GPN1: variants seen among roughly 807,000 people sequenced by gnomAD.
GPN1 encodes GPN-loop GTPase 1, also known as ATP(GTP)-binding protein.
Under a neutral mutation model 55.9 loss-of-function variants are expected in GPN1, and 44 were observed. The ratio of observed to expected loss-of-function variants is 0.79; its 90% CI spans 0.62 to 1.01. GPN1 has a LOEUF of 1.01. Ranked by LOEUF, GPN1 falls within the 50% of genes least tolerant of loss-of-function variation. GPN1 has a pLI of 0.00. For synonymous variants in GPN1, 179 were observed against 162.5 expected (o/e 1.10, Z -0.77); for missense variants, 466 against 462.8 (o/e 1.01, Z -0.06).
intron 9 of GPN1, among the ~76,000 whole-genome samples, chr2:27,639,343 T>G (rs1296326147): frequency 6.6e-6 from 1 of 152,176 alleles, no homozygotes; most frequent in Non-Finnish European, 1.5e-5. Context: ...TGACAGATTT[T>G]GGAGGATGTA....
chr2:27,629,543 T>C (rs1673447307), intron 1 of GPN1: 1 of 784,158 alleles, frequency 1.3e-6, no homozygotes, highest in Non-Finnish European at 2.2e-6. Context: ...TTCCATTCAC[T>C]GGGGATATAG....
At chr2:27,646,788 A>G (rs1674254215) in intron 12 of GPN1, among the ~76,000 whole-genome samples, 1 of 151,918 alleles carries the variant, frequency 6.6e-6, no homozygotes, top group Non-Finnish European at 1.5e-5. Flanking sequence ...GCTTCTGTTC[A>G]TGAAAGTTAT....
In GPN1 at chr2:27,651,124, T is replaced by C. The variant is rs954228268; in HGVS notation, c.*924T>C. ...AGGCACATTTCATACATAACAGCCCTTATAAACGTTTGCCCTGCCTCCACA... is the reference window on the plus strand; with the variant it reads ...AGGCACATTTCATACATAACAGCCCCTATAAACGTTTGCCCTGCCTCCACA... On this transcript the variant is annotated 3_prime_UTR_variant, in exon 14 of 14. Coordinates refer to ENST00000610189, the MANE Select transcript of GPN1 (RefSeq NM_007266.4). 6.6e-6 allele frequency: 1 copy of C among 152,384 alleles called. No homozygotes were observed. Among genetic ancestry groups the C allele is most frequent in the Non-Finnish European group, 1.5e-5 (1 of 68,046 alleles). The allele number at this position is 152,384 out of a possible 1,614,324, so 9.4% of individuals were successfully genotyped here.
Position 27,630,239 on chromosome 2 carries a change from A to T in GPN1, c.205+287A>T, listed in dbSNP as rs529695030. Among the ~76,000 whole-genome samples the T allele has an allele frequency of 2.0e-5, 3 of 152,212 alleles. No individual in the cohort carries two copies. In the South Asian group the frequency reaches 6.2e-4, roughly 32 times the overall value. The stretch of plus-strand genomic sequence containing the variant: ...GTGGCAGAGGTTGCAGTGAGCCAAG[A>T]TCGTGCCACTGCACTCCAGCCTGGT... On this transcript the variant is annotated intron_variant, in intron 2 of 13. Coordinates refer to ENST00000610189, the MANE Select transcript of GPN1 (RefSeq NM_007266.4).
Position 27,647,886 on chromosome 2 carries a change from A to T in GPN1, c.982A>T (p.Thr328Ser). Residue 328 changes from threonine to serine, a missense_variant, in exon 13 of 14, where the codon ACC (threonine) becomes TCC (serine). Thr to Ser is a moderately conservative substitution (Grantham distance 58). Transcript: ENST00000610189. Reference protein sequence around the residue: ...HPSDLILTRGTLDEEDEEADS... With the variant: ...HPSDLILTRGSLDEEDEEADS... ...TTCTGATTTGATCCTGACTCGAGGAACCTTGGATGAAGAGGATGAGGAAGC... is the reference window on the plus strand; with the variant it reads ...TTCTGATTTGATCCTGACTCGAGGATCCTTGGATGAAGAGGATGAGGAAGC... The T allele has an allele frequency of 1.2e-6, 2 of 1,613,880 alleles. No individual in the cohort carries two copies. The highest frequency in any genetic ancestry group is 1.7e-6 in the Non-Finnish European group (2 of 1,179,794).
chr2:27,640,111 C>T lies in GPN1; in HGVS notation c.786C>T (p.Ala262=), dbSNP rs775613496. The change falls in exon 10 of 14, where the codon GCC becomes GCT. Residue 262 remains alanine, a synonymous_variant. Transcript: ENST00000610189. ...DELFVQVTSA[A]EEYEREYRPE... ...TCTTTGTGCAAGTTACCAGTGCTGC[C>T]GAAGAATATGAAAGGTGAGGATAAA... is the stretch of plus-strand genomic sequence containing the variant. 1.0e-5 allele frequency: 16 copies of T among 1,606,554 alleles called. No individual in the cohort carries two copies. Among genetic ancestry groups the T allele is most frequent in the African/African-American group, 6.7e-5 (5 of 74,634 alleles).
At chr2:27,628,282 T>C (rs1185778868), upstream of GPN1, 3 of 1,033,320 alleles carry the variant, frequency 2.9e-6, no homozygotes, top group Non-Finnish European at 4.1e-6. Context: ...AGAAACAGAC[T>C]GGGTGGTCAG....
intron 13 of GPN1, among the ~76,000 whole-genome samples, chr2:27,648,393 C>T (rs145228026): frequency 6.4e-4 from 98 of 152,196 alleles, no homozygotes; most frequent in African/African-American, 2.2e-3. Flanking sequence ...GTTACTCACA[C>T]CTGTAGTTCA....
In GPN1 at chr2:27,650,244, T is replaced by C. The variant is rs1460530337; in HGVS notation, c.*44T>C. The C allele has an allele frequency of 1.7e-6, 2 of 1,152,438 alleles. No homozygotes were observed. The highest frequency in any genetic ancestry group is 2.6e-6 in the Non-Finnish European group (2 of 764,832). 71.4% of individuals were successfully genotyped at this position (1,152,438 alleles called of 1,614,324 possible). On this transcript the variant is annotated 3_prime_UTR_variant, in exon 14 of 14. Transcript: ENST00000610189. ...ACTTGTTTCTAGAAGTCCAGAATTT[T>C]GGACCTCCACGTGAAAGAACTGTTC...
chr2:27,648,844 C>T (rs1674369784), intron 13 of GPN1, among the ~76,000 whole-genome samples: 1 of 151,666 alleles, frequency 6.6e-6, no homozygotes, highest in Non-Finnish European at 1.5e-5. Context: ...GCCATGTTGG[C>T]CAGGCTGGTC....
At position 27,629,107 on chromosome 2, in the gene GPN1, C is replaced by G; in HGVS notation, c.49C>G (p.Arg17Gly). ...TGAGCTCCAGGCTTCTGGGGGTCCG[C>G]GGCACCCAGTGTGTCTGTTGGTGTT... ...AAELQASGGPRHPVCLLVLGM... is the reference protein window; with the variant it reads ...AAELQASGGPGHPVCLLVLGM... The change falls in exon 1 of 14, where the codon CGG becomes GGG. Residue 17 changes from arginine to glycine, a missense_variant. Transcript: ENST00000610189. 6.2e-7 allele frequency: 1 copy of G among 1,614,208 alleles called. No individual in the cohort carries two copies. The highest frequency in any genetic ancestry group is 2.2e-5 in the East Asian group (1 of 44,886).
chr2:27,643,719 G>T lies in GPN1; in HGVS notation c.931+1200G>T, dbSNP rs1488696904. Among the ~76,000 whole-genome samples the T allele has an allele frequency of 4.6e-5, 7 of 152,028 alleles. No homozygotes were observed. Among genetic ancestry groups the T allele is most frequent in the Non-Finnish European group, 1.0e-4 (7 of 68,012 alleles). On this transcript the variant is annotated intron_variant, in intron 12 of 13. Coordinates refer to ENST00000610189, the MANE Select transcript of GPN1 (RefSeq NM_007266.4). The surrounding 1 kb of genome is among the most constrained non-coding windows in gnomAD (Gnocchi z 4.0). ...TTTTATAGAGCATCCTTCAGTTTAG[G>T]TTTGTCTCATGTTTCCTCATGATTT...
chr2:27,640,825 A>C (rs963878934), intron 10 of GPN1, among the ~76,000 whole-genome samples: 1 of 152,236 alleles, frequency 6.6e-6, no homozygotes, highest in African/African-American at 2.4e-5. Flanking sequence ...ATTAGACACA[A>C]GGGTGTTATC....
chr2:27,640,140 A>G lies in GPN1; in HGVS notation c.800+15A>G. The G allele has an allele frequency of 6.6e-7, 1 of 1,512,898 alleles. No homozygotes were observed. Among genetic ancestry groups the G allele is most frequent in the African/African-American group, 1.4e-5 (1 of 73,160 alleles). The allele number at this position is 1,512,898 out of a possible 1,614,324, so 93.7% of individuals were successfully genotyped here. ...GAATATGAAAGGTGAGGATAAAGGA[A>G]AATTCTATTGATGACATTCTTAATA... On this transcript the variant is annotated intron_variant, in intron 10 of 13. Transcript: ENST00000610189.
At chr2:27,639,594 A>G (rs1265949475) in intron 9 of GPN1, among the ~76,000 whole-genome samples, 2 of 151,874 alleles carry the variant, frequency 1.3e-5, no homozygotes, top group Admixed American at 1.3e-4. Flanking sequence ...ATCACAGCTC[A>G]CTGCAGCCTT....
In GPN1 at chr2:27,635,166, C is replaced by T. The variant is rs768591135; in HGVS notation, c.456C>T (p.Ile152=). The change falls in exon 7 of 14, where the codon ATC becomes ATT. Residue 152 remains isoleucine (I), a synonymous_variant. Coordinates refer to ENST00000610189, the MANE Select transcript of GPN1 (RefSeq NM_007266.4). The part of the protein sequence containing the change: ...ALASSFPTVV[I]YVMDTSRSTN... ...CATCCTCATTTCCAACAGTTGTCAT[C>T]TATGTAATGGACACATCGAGAAGTA... 1.9e-6 allele frequency: 3 copies of T among 1,602,254 alleles called. No individual in the cohort carries two copies. The highest frequency in any genetic ancestry group is 2.2e-5 in the South Asian group (2 of 90,630).
Position 27,632,656 on chromosome 2 carries a change from C to A in GPN1, c.336C>A (p.Ala112=), listed in dbSNP as rs917694406. Residue 112 remains alanine (A), a synonymous_variant, in exon 5 of 14, where the codon GCC becomes GCA. Transcript: ENST00000610189. ...FDQVMKFIEK[A]QNMSKYVLID... The stretch of plus-strand genomic sequence containing the variant: ...AGGTGATGAAATTTATTGAGAAGGC[C>A]CAGAACATGTCCAAGTAAGTGATGT... 1.9e-6 allele frequency: 3 copies of A among 1,599,286 alleles called. No homozygotes were observed. In the East Asian group the frequency reaches 6.7e-5, roughly 36 times the overall value.
chr2:27,645,132 T>C (rs1674163879), intron 12 of GPN1, among the ~76,000 whole-genome samples: 1 of 152,048 alleles, frequency 6.6e-6, no homozygotes, highest in African/African-American at 2.4e-5. Context: ...CACGTCTGGC[T>C]AGTTTTAAGG....
chr2:27,635,123 T>A lies in GPN1; in HGVS notation c.430-17T>A, dbSNP rs1403451354. 2 of 1,466,652 alleles carry A rather than the reference T, an allele frequency of 1.4e-6. No individual in the cohort carries two copies. Among genetic ancestry groups the A allele is most frequent in the Admixed American group, 3.4e-5 (2 of 58,070 alleles). The allele number at this position is 1,466,652 out of a possible 1,614,324, so 90.9% of individuals were successfully genotyped here. ...GTGAGCCCTCTGACCAAGGCTTTGATTTTTTTGTGGCTTTAGGCATCCTCA... is the reference window on the plus strand; with the variant it reads ...GTGAGCCCTCTGACCAAGGCTTTGAATTTTTTGTGGCTTTAGGCATCCTCA... On this transcript the variant is annotated splice_polypyrimidine_tract_variant and intron_variant, in intron 6 of 13. Transcript: ENST00000610189.
Sources: allele counts gnomAD v4.1 joint callset (sites outside exome capture counted in the v4.1 genomes callset), GRCh38; gene constraint gnomAD v4.1.1; non-coding constraint Gnocchi (gnomAD v3.1); transcripts MANE v1.5; gene names NCBI Gene and HGNC (gene_info 2026-07-23, HGNC 2026-07-21).